The following ARID2 variants were observed in gnomAD, a reference collection of about 807,000 sequenced individuals.
ARID2 encodes AT-rich interaction domain 2, also known as AT-rich interactive domain-containing protein 2.
A neutral mutation model predicts 184.6 loss-of-function variants in ARID2; 32 were observed. That is an observed-to-expected ratio of 0.17 (90% CI 0.13 to 0.23). The LOEUF is 0.23. Among genes scored for constraint, ARID2 ranks in the 10% least tolerant of loss-of-function variants. The pLI is 1.00. For synonymous variants in ARID2, 836 were observed against 772.6 expected (o/e 1.08, Z -1.36); for missense variants, 1,696 against 2,197.6 (o/e 0.77, Z 4.56).
chr12:45,745,522 C>A lies in ARID2; in HGVS notation c.284+14208C>A, dbSNP rs190818468. Among the ~76,000 whole-genome samples the A allele has an allele frequency of 1.4e-4, 21 of 152,254 alleles. No homozygotes were observed. The East Asian group carries it at 3.5e-3, about 25-fold the overall frequency. ...AATTTTAGAAGACTATCAGAGATTT[C>A]TTTGCTATATAAAACGGGGCCTTTA... On this transcript the variant is annotated intron_variant, in intron 3 of 20. Coordinates refer to ENST00000334344, the MANE Select transcript of ARID2 (RefSeq NM_152641.4).
chr12:45,815,113 A>G (rs1023242364), intron 4 of ARID2, among the ~76,000 whole-genome samples: 1 of 152,352 alleles, frequency 6.6e-6, no homozygotes, highest in Admixed American at 6.5e-5. Flanking sequence ...TATTGAAAAC[A>G]TAAACTTTAG....
intron 3 of ARID2, among the ~76,000 whole-genome samples, chr12:45,762,113 A>G (rs373328616): frequency 6.6e-6 from 1 of 152,110 alleles, no homozygotes; most frequent in Non-Finnish European, 1.5e-5. Context: ...ATGACTGTTT[A>G]AAGTTTTTTT....
At chr12:45,842,755 CAAAA>C (rs1242038485) in intron 11 of ARID2, among the ~76,000 whole-genome samples, 1 of 132,044 alleles carries the variant, frequency 7.6e-6, no homozygotes, top group Admixed American at 7.7e-5. Flanking sequence ...GACTCCATCT[CAAAA>C]AAAAAAAAAA....
intron 3 of ARID2, among the ~76,000 whole-genome samples, chr12:45,771,520 A>T (rs970442803): frequency 6.6e-6 from 1 of 151,706 alleles, no homozygotes; most frequent in Non-Finnish European, 1.5e-5. Context: ...AAAAAAATTT[A>T]AAACTAGTTA....
At chr12:45,828,229 ACTT>A (rs1428974190) in intron 6 of ARID2, among the ~76,000 whole-genome samples, 3 of 151,636 alleles carry the variant, frequency 2.0e-5, no homozygotes, top group Admixed American at 2.0e-4. Flanking sequence ...TCCTTATTCT[ACTT>A]CTCTTTTTTT....
At position 45,852,384 on chromosome 12, in the gene ARID2, T is replaced by A. The variant is rs1292179845; in HGVS notation, c.4261T>A (p.Leu1421Ile). Residue 1421 changes from leucine to isoleucine, a missense_variant, in exon 15 of 21, where the codon TTA becomes ATA. Leu to Ile is a conservative substitution (Grantham distance 5). Transcript: ENST00000334344. The part of the protein sequence containing the change: ...QLERISNGPV[L>I]TLGGSSVSSI... ...AGAAAGAATTTCTAATGGACCTGTA[T>A]TAACTTTGGGTGGTTCATCTGTGAG... 82 of 1,614,042 alleles carry A rather than the reference T, an allele frequency of 5.1e-5. No homozygotes were observed. Among genetic ancestry groups the A allele is most frequent in the Non-Finnish European group, 6.9e-5 (82 of 1,180,024 alleles).
At chr12:45,801,994 T>A (rs1942511969) in intron 3 of ARID2, among the ~76,000 whole-genome samples, 1 of 152,196 alleles carries the variant, frequency 6.6e-6, no homozygotes, top group East Asian at 1.9e-4. Context: ...GGGAGGTTTT[T>A]AAATTATTTG....
intron 16 of ARID2, chr12:45,880,873 G>GTGAAA (rs1361037390): frequency 5.6e-6 from 1 of 177,472 alleles, no homozygotes; most frequent in Non-Finnish European, 1.2e-5. Context: ...GTCAGATGGC[G>GTGAAA]TTCATCTGCA....
rs148050796 is a variant in ARID2 at position 45,758,513 on chromosome 12, T to C, written c.284+27199T>C. On this transcript the variant is annotated intron_variant, in intron 3 of 20. Coordinates refer to ENST00000334344, the MANE Select transcript of ARID2 (RefSeq NM_152641.4). ...TGAACACCCCTGCTCTACAAGATAA[T>C]AGTTGGTGTTCCAAATGTTAGGCTA... 5.5e-3 allele frequency among the ~76,000 whole-genome samples: 834 copies of C among 152,256 alleles called. 7 individuals carry two copies. The highest frequency in any genetic ancestry group is 0.019 in the African/African-American group (795 of 41,548).
intron 3 of ARID2, among the ~76,000 whole-genome samples, chr12:45,803,190 A>G (rs1256830409): frequency 6.6e-6 from 1 of 152,216 alleles, no homozygotes; most frequent in Admixed American, 6.5e-5. Flanking sequence ...AAGAGAATCT[A>G]GTAAATACCA....
Position 45,839,326 on chromosome 12 carries a change from T to G in ARID2, c.1331-3T>G. The G allele has an allele frequency of 6.3e-7, 1 of 1,599,424 alleles. No homozygotes were observed. The highest frequency in any genetic ancestry group is 8.5e-7 in the Non-Finnish European group (1 of 1,175,360). The stretch of plus-strand genomic sequence containing the variant: ...AATAACTATTGCTTTTTATTTATTT[T>G]AGACATGTTAGTGTGTCTGGTTTCT... On this transcript the variant is annotated splice_polypyrimidine_tract_variant and splice_region_variant and intron_variant, in intron 10 of 20. Transcript: ENST00000334344.
chr12:45,858,709 G>A (rs1261180106), intron 15 of ARID2, among the ~76,000 whole-genome samples: 1 of 152,136 alleles, frequency 6.6e-6, no homozygotes, highest in Non-Finnish European at 1.5e-5. Context: ...AGAAAACTGA[G>A]GATCAGAGAG....
intron 6 of ARID2, among the ~76,000 whole-genome samples, chr12:45,832,661 C>T (rs1397333108): frequency 6.6e-6 from 1 of 151,988 alleles, no homozygotes; most frequent in Non-Finnish European, 1.5e-5. Flanking sequence ...TTTCCTGGTA[C>T]TACATTTACA....
At position 45,845,826 on chromosome 12, in the gene ARID2, G is replaced by T. The variant is rs372173513; in HGVS notation, c.1499-1030G>T. Among the ~76,000 whole-genome samples the T allele has an allele frequency of 2.2e-3, 342 of 152,218 alleles. 12 individuals are homozygous for T. In the South Asian group the frequency reaches 0.067, roughly 30 times the overall value. On this transcript the variant is annotated intron_variant, in intron 11 of 20. Transcript: ENST00000334344. ...ATCTGAAAAAAATTGTGTATAATCTGTGTGCTTAAAAACTACATTGCCGTG... is the reference window on the plus strand; with the variant it reads ...ATCTGAAAAAAATTGTGTATAATCTTTGTGCTTAAAAACTACATTGCCGTG...
chr12:45,893,567 T>C lies in ARID2; in HGVS notation c.5271+24T>C, dbSNP rs1471782041. 3.1e-6 allele frequency: 5 copies of C among 1,611,222 alleles called. No individual in the cohort carries two copies. In the East Asian group the frequency reaches 1.1e-4, roughly 36 times the overall value. Reference sequence around the variant, plus strand: ...CAGTAAGCATGCCTTGAAACCCTTATCTGTAAAAGTCTGAGTCCTGTATGA... The same window carrying C: ...CAGTAAGCATGCCTTGAAACCCTTACCTGTAAAAGTCTGAGTCCTGTATGA... On this transcript the variant is annotated intron_variant, in intron 19 of 20. Coordinates refer to ENST00000334344, the MANE Select transcript of ARID2 (RefSeq NM_152641.4).
Position 45,905,638 on chromosome 12 carries a change from A to G in ARID2, c.*560A>G, listed in dbSNP as rs924898646. On this transcript the variant is annotated 3_prime_UTR_variant, in exon 21 of 21. Transcript: ENST00000334344. ...TAGCTTGGTTTTCTTACTTGAGCCA[A>G]TATATTTTCACTTATTTATTATCAT... 1.3e-5 allele frequency: 3 copies of G among 233,044 alleles called. No homozygotes were observed. The highest frequency in any genetic ancestry group is 4.4e-5 in the African/African-American group (2 of 45,422). 14.4% of individuals were successfully genotyped at this position (233,044 alleles called of 1,614,324 possible). A position where few individuals can be genotyped will look rare whatever the true frequency, so the allele number is the denominator to read the frequency against.
intron 3 of ARID2, among the ~76,000 whole-genome samples, chr12:45,732,116 C>T (rs1003386005): frequency 2.0e-5 from 3 of 151,228 alleles, no homozygotes; most frequent in African/African-American, 7.3e-5. Context: ...TACTTTCATA[C>T]TGTAATTTAT....
In ARID2 at chr12:45,785,998, T is replaced by C. The variant is rs141264254; in HGVS notation, c.285-25420T>C. Among the ~76,000 whole-genome samples, 272 of 152,322 alleles carry C rather than the reference T, an allele frequency of 1.8e-3. 2 individuals are homozygous for C. The highest frequency in any genetic ancestry group is 5.6e-3 in the African/African-American group (232 of 41,574). On this transcript the variant is annotated intron_variant, in intron 3 of 20. Coordinates refer to ENST00000334344, the MANE Select transcript of ARID2 (RefSeq NM_152641.4). ...TCAGAAATGTTGGGGACTGCTGATG[T>C]AGGCTATAGAGAGGGTCATATTTCA...
chr12:45,844,048 T>C (rs1943399753), intron 11 of ARID2, among the ~76,000 whole-genome samples: 1 of 152,164 alleles, frequency 6.6e-6, no homozygotes, highest in East Asian at 1.9e-4. Flanking sequence ...CTTTCTTTTT[T>C]TTGAGAAAGG....
Sources: gnomAD v4.1 joint callset for allele counts (sites outside exome capture counted in the v4.1 genomes callset) on GRCh38, gnomAD v4.1.1 for gene constraint, MANE v1.5 for transcripts, NCBI Gene and HGNC (gene_info 2026-07-23, HGNC 2026-07-21) for gene names.